Variants in SUFU observed in about 807,000 individuals in gnomAD.
SUFU encodes suppressor of fused homolog.
Under a neutral mutation model 58.9 loss-of-function variants are expected in SUFU, and 7 were observed. The ratio of observed to expected loss-of-function variants is 0.12; its 90% CI spans 0.07 to 0.22. The LOEUF (loss-of-function observed/expected upper bound fraction) is 0.22, where lower values mean the gene tolerates loss of function less well. SUFU is among the 10% of genes least tolerant of loss of function. The pLI is 1.00. For synonymous variants in SUFU, 232 were observed against 254.8 expected, an observed-to-expected ratio of 0.91 and a Z score of 0.85; for missense variants, 451 against 641.3, an observed-to-expected ratio of 0.70 and a Z score of 3.20.
intron 8 of SUFU, among the ~76,000 whole-genome samples, chr10:102,608,157 G>C (rs1300008748): frequency 1.3e-5 from 2 of 151,916 alleles, no homozygotes; most frequent in African/African-American, 4.8e-5. Context: ...CCAGGAGTTG[G>C]GGGTTGTAGT....
At chr10:102,574,785 G>A (rs1187013669) in intron 3 of SUFU, among the ~76,000 whole-genome samples, 3 of 152,106 alleles carry the variant, frequency 2.0e-5, no homozygotes, top group Non-Finnish European at 4.4e-5. Context: ...AACAGGCCGG[G>A]CACAGTGGCT....
intron 10 of SUFU, among the ~76,000 whole-genome samples, chr10:102,623,895 G>A (rs1351988655): frequency 6.6e-6 from 1 of 152,058 alleles, no homozygotes; most frequent in African/African-American, 2.4e-5. Context: ...AGCCAAGATT[G>A]TACCACTGCA....
At chr10:102,550,159 G>T in intron 3 of SUFU, 53 bp downstream of exon 3, 1 of 1,612,686 alleles carries the variant, frequency 6.2e-7, no homozygotes, top group South Asian at 1.1e-5. Flanking sequence ...GAGCCTGGTT[G>T]ACTTTGAGTA....
intron 3 of SUFU, among the ~76,000 whole-genome samples, chr10:102,571,517 CA>C (rs1554849593): frequency 2.0e-5 from 3 of 146,754 alleles, no homozygotes; most frequent in Non-Finnish European, 4.5e-5. Flanking sequence ...AACAAACAAA[CA>C]AAACAAACAA....
At chr10:102,530,025 T>G (rs1053209093) in intron 2 of SUFU, among the ~76,000 whole-genome samples, 25 of 152,028 alleles carry the variant, frequency 1.6e-4, no homozygotes, top group Non-Finnish European at 1.2e-4. Context: ...GACACTGTGC[T>G]GTCACACTAA....
chr10:102,555,869 T>C (rs1460710957), intron 3 of SUFU, among the ~76,000 whole-genome samples: 1 of 152,202 alleles, frequency 6.6e-6, no homozygotes, highest in Non-Finnish European at 1.5e-5. Flanking sequence ...ACAGAACGTG[T>C]GTCATTTATG....
chr10:102,521,740 G>T (rs2062554640), intron 2 of SUFU, among the ~76,000 whole-genome samples: 1 of 152,174 alleles, frequency 6.6e-6, no homozygotes, highest in South Asian at 2.1e-4. Context: ...AACTCTCATA[G>T]TTGAACCAGC....
At chr10:102,603,173 T>A (rs566581924) in intron 8 of SUFU, among the ~76,000 whole-genome samples, 1 of 152,140 alleles carries the variant, frequency 6.6e-6, no homozygotes, top group Admixed American at 6.5e-5. Flanking sequence ...TTTATTTCTT[T>A]TTTTTAGACA....
At chr10:102,611,905 C>T (rs1207104134) in intron 8 of SUFU, among the ~76,000 whole-genome samples, 1 of 152,220 alleles carries the variant, frequency 6.6e-6, no homozygotes, top group East Asian at 1.9e-4. Flanking sequence ...AGCTGTGCCT[C>T]CCTGAGAGCC....
chr10:102,505,259 C>T (rs2062310485), intron 1 of SUFU, among the ~76,000 whole-genome samples: 1 of 152,190 alleles, frequency 6.6e-6, no homozygotes. Context: ...ATGGTCTTTT[C>T]TAATTTCCCA....
intron 3 of SUFU, among the ~76,000 whole-genome samples, chr10:102,559,077 C>A (rs2063009476): frequency 6.6e-6 from 1 of 152,216 alleles, no homozygotes; most frequent in Non-Finnish European, 1.5e-5. Context: ...AAATTGGTTT[C>A]CTCATATTCC....
At chr10:102,544,259 C>T (rs1444689150) in intron 2 of SUFU, among the ~76,000 whole-genome samples, 2 of 152,104 alleles carry the variant, frequency 1.3e-5, no homozygotes, top group African/African-American at 2.4e-5. Context: ...GAGAGTTAAA[C>T]GATATGACAT....
At chr10:102,591,697 G>A (rs1259047185) in intron 3 of SUFU, 1 of 152,102 alleles carries the variant, frequency 6.6e-6, no homozygotes, top group African/African-American at 2.4e-5. Context: ...TTCCATTTGT[G>A]TAAGGACAAA....
intron 3 of SUFU, among the ~76,000 whole-genome samples, chr10:102,589,571 G>A (rs889476307): frequency 2.0e-5 from 3 of 146,574 alleles, no homozygotes; most frequent in African/African-American, 7.6e-5. Flanking sequence ...TTGGCCTCCC[G>A]AGTAGCTGGG....
chr10:102,622,334 G>T (rs752616264), intron 10 of SUFU, among the ~76,000 whole-genome samples: 1 of 152,144 alleles, frequency 6.6e-6, no homozygotes, highest in Admixed American at 6.5e-5. Context: ...GGCCAGGTGC[G>T]GTGGCTCACG....
intron 8 of SUFU, among the ~76,000 whole-genome samples, chr10:102,613,909 C>T (rs944173243): frequency 6.6e-6 from 1 of 152,206 alleles, no homozygotes; most frequent in African/African-American, 2.4e-5. Context: ...AGGCCACAGT[C>T]AGGAGGAATC....
chr10:102,570,543 G>A (rs2063149747), intron 3 of SUFU, among the ~76,000 whole-genome samples: 1 of 151,802 alleles, frequency 6.6e-6, no homozygotes, highest in Non-Finnish European at 1.5e-5. Flanking sequence ...TTAGTTTTTT[G>A]TTTGTTTGTT....
Position 102,633,243 on chromosome 10 carries a change from A to AC in SUFU, c.*3092dup, listed in dbSNP as rs1327825218. On this transcript the variant is annotated 3_prime_UTR_variant, in exon 12 of 12. Transcript: ENST00000369902. ...TACAAGTCAGGAGCCCTGTAGGGAG[A>AC]CCCCTCCTTTTGTACAAGTACCTGA... 4.3e-6 allele frequency: 1 copy of AC among 232,578 alleles called. No homozygotes were observed. The highest frequency in any genetic ancestry group is 5.6e-5 in the Admixed American group (1 of 17,710). 14.4% of individuals were successfully genotyped at this position (232,578 alleles called of 1,614,324 possible).
At chr10:102,605,700 C>T (rs537248322) in intron 8 of SUFU, among the ~76,000 whole-genome samples, 1 of 148,946 alleles carries the variant, frequency 6.7e-6, no homozygotes, top group African/African-American at 2.5e-5. Context: ...CCAGTTCTGC[C>T]TTAAAGGGAG....
Sources: gnomAD v4.1 joint callset for allele counts (sites outside exome capture counted in the v4.1 genomes callset) on GRCh38, gnomAD v4.1.1 for gene constraint, MANE v1.5 for transcripts, NCBI Gene and HGNC (gene_info 2026-07-23, HGNC 2026-07-21) for gene names.